ATXN1: variants seen among roughly 807,000 people sequenced by gnomAD.
ATXN1 encodes the protein ataxin-1.
ATXN1 carries 8 observed loss-of-function variants against 56.4 expected under a neutral mutation model. The ratio of observed to expected loss-of-function variants is 0.14; its 90% CI spans 0.08 to 0.26. The LOEUF (loss-of-function observed/expected upper bound fraction) is 0.26, where lower values mean the gene tolerates loss of function less well. ATXN1 is among the 10% of genes least tolerant of loss of function. The pLI is 1.00. For missense variants in ATXN1, 987 were observed against 1,106.5 expected (o/e 0.89, Z 1.53); for synonymous variants, 514 against 494.6 (o/e 1.04, Z -0.52).
rs950123505 is a variant in ATXN1 at position 16,299,623 on chromosome 6, G to A, written c.*6706C>T. The A allele has an allele frequency of 6.6e-6, 1 of 152,214 alleles. No homozygotes were observed. The highest frequency in any genetic ancestry group is 1.5e-5 in the Non-Finnish European group (1 of 68,064). 9.4% of individuals were successfully genotyped at this position (152,214 alleles called of 1,614,324 possible). A position where few individuals can be genotyped will look rare whatever the true frequency, so the allele number is the denominator to read the frequency against. ...GTCTGTTTTCCCTTGGCCTGTGGGA[G>A]GCATATGGTGGGTAATGATCTGATA... On this transcript the variant is annotated 3_prime_UTR_variant, in exon 8 of 8. Transcript: ENST00000436367.
intron 4 of ATXN1, among the ~76,000 whole-genome samples, chr6:16,554,379 A>G (rs2237181): frequency 6.6e-6 from 1 of 152,218 alleles, no homozygotes; most frequent in East Asian, 1.9e-4. Flanking sequence ...TTCCTCCCCA[A>G]TCTCTAAACC....
intron 3 of ATXN1, among the ~76,000 whole-genome samples, chr6:16,594,774 C>A (rs1349046860): frequency 2.0e-5 from 3 of 152,150 alleles, no homozygotes; most frequent in Admixed American, 1.3e-4. Flanking sequence ...AGCCACCGTG[C>A]CCAGCCTACA....
chr6:16,466,042 C>T (rs945572693), intron 6 of ATXN1, among the ~76,000 whole-genome samples: 6 of 152,080 alleles, frequency 3.9e-5, no homozygotes, highest in African/African-American at 7.2e-5. Flanking sequence ...TGTGGCCAGG[C>T]GCGGTGGCTC....
At chr6:16,549,669 G>A (rs1380998377) in intron 4 of ATXN1, among the ~76,000 whole-genome samples, 2 of 152,062 alleles carry the variant, frequency 1.3e-5, no homozygotes, top group African/African-American at 4.8e-5. Context: ...AGGCAGAGAT[G>A]GGCGGATCAC....
At chr6:16,420,885 C>T (rs753343664) in intron 6 of ATXN1, among the ~76,000 whole-genome samples, 15 of 152,160 alleles carry the variant, frequency 9.9e-5, no homozygotes, top group Non-Finnish European at 2.1e-4. Context: ...ACTTAAACTG[C>T]TAAGAGACAA....
chr6:16,457,655 T>C (rs184346602), intron 6 of ATXN1, among the ~76,000 whole-genome samples: 2 of 152,250 alleles, frequency 1.3e-5, no homozygotes, highest in Non-Finnish European at 2.9e-5. Context: ...TGGAGTGAAA[T>C]ACCTTATGTC....
chr6:16,552,752 C>T (rs1439947343), intron 4 of ATXN1, among the ~76,000 whole-genome samples: 5 of 152,154 alleles, frequency 3.3e-5, no homozygotes, highest in Admixed American at 1.3e-4. Context: ...CATTGCCTTA[C>T]GGGGGTGTAT....
intron 2 of ATXN1, among the ~76,000 whole-genome samples, chr6:16,674,705 T>C (rs536896114): frequency 1.4e-4 from 22 of 152,072 alleles, no homozygotes; most frequent in Admixed American, 1.4e-3. Context: ...CTAGATTTCA[T>C]TAATAAAAAT....
Position 16,312,046 on chromosome 6 carries a change from T to G in ATXN1, c.1918-5187A>C, listed in dbSNP as rs6915446. On this transcript the variant is annotated intron_variant, in intron 7 of 7. Transcript: ENST00000436367. ...TACCCATGGAGAGGCCCTTGGTGTG[T>G]GAGCCACATTATACACACTTCACAG... Among the ~76,000 whole-genome samples the G allele has an allele frequency of 7.7e-3, 1,173 of 152,324 alleles. 22 individuals are homozygous for G. Among genetic ancestry groups the G allele is most frequent in the African/African-American group, 0.027 (1,106 of 41,568 alleles).
intron 3 of ATXN1, among the ~76,000 whole-genome samples, chr6:16,598,363 GTATAA>G (rs1252566873): frequency 6.6e-6 from 1 of 152,134 alleles, no homozygotes; most frequent in Non-Finnish European, 1.5e-5. Context: ...TGAAATTTCA[GTATAA>G]TATGCTACTT....
intron 4 of ATXN1, among the ~76,000 whole-genome samples, chr6:16,533,301 T>C (rs1156548732): frequency 6.6e-6 from 1 of 152,144 alleles, no homozygotes; most frequent in African/African-American, 2.4e-5. Context: ...GATCAAGATA[T>C]CCCAAGAAGT....
chr6:16,482,013 T>C (rs62388976), intron 6 of ATXN1, among the ~76,000 whole-genome samples: 2 of 114,902 alleles, frequency 1.7e-5, no homozygotes, highest in African/African-American at 6.0e-5. Context: ...AGGTCTAGAA[T>C]TTTTTTTTTT....
At chr6:16,620,103 T>C (rs1763291285) in intron 3 of ATXN1, among the ~76,000 whole-genome samples, 1 of 152,138 alleles carries the variant, frequency 6.6e-6, no homozygotes, top group Middle Eastern at 3.2e-3. Flanking sequence ...TAGTATTATT[T>C]TGATTTTAAA....
chr6:16,460,551 C>A (rs1017324124), intron 6 of ATXN1, among the ~76,000 whole-genome samples: 2 of 152,196 alleles, frequency 1.3e-5, no homozygotes, highest in Admixed American at 1.3e-4. Flanking sequence ...AGGTACCAGG[C>A]GCTACTCATT....
chr6:16,662,743 T>C lies in ATXN1; in HGVS notation c.-614-4842A>G, dbSNP rs554675732. The stretch of plus-strand genomic sequence containing the variant: ...TGTCAAAGAAAACAGAAAGGTAGCC[T>C]CTTGCTGTTTGAAGAGCAACCTCAG... On this transcript the variant is annotated intron_variant, in intron 2 of 7. Coordinates refer to ENST00000436367, the MANE Select transcript of ATXN1 (RefSeq NM_001128164.2). Among the ~76,000 whole-genome samples the C allele has an allele frequency of 1.0e-3, 156 of 152,366 alleles. 1 individual carries two copies. The highest frequency in any genetic ancestry group is 3.6e-3 in the African/African-American group (149 of 41,596).
intron 7 of ATXN1, among the ~76,000 whole-genome samples, chr6:16,307,769 ACT>A (rs1760285763): frequency 6.6e-6 from 1 of 152,122 alleles, no homozygotes. Context: ...ACAACTAAAA[ACT>A]CTGAACAAAA....
chr6:16,648,858 A>G (rs1455968040), intron 3 of ATXN1, among the ~76,000 whole-genome samples: 1 of 152,190 alleles, frequency 6.6e-6, no homozygotes, highest in African/African-American at 2.4e-5. Context: ...CAAGGCTATC[A>G]TGCAAAAAAA....
At chr6:16,335,156 A>G (rs956300893) in intron 6 of ATXN1, among the ~76,000 whole-genome samples, 2 of 152,216 alleles carry the variant, frequency 1.3e-5, no homozygotes, top group Non-Finnish European at 2.9e-5. Flanking sequence ...CTGGCTTGTC[A>G]TCCCAGTCTA....
chr6:16,656,490 G>C (rs1216961707), intron 3 of ATXN1, among the ~76,000 whole-genome samples: 1 of 148,520 alleles, frequency 6.7e-6, no homozygotes. Flanking sequence ...ATCATGAACG[G>C]GGTTGATAAA....
Sources: allele counts gnomAD v4.1 joint callset (sites outside exome capture counted in the v4.1 genomes callset), GRCh38; gene constraint gnomAD v4.1.1; transcripts MANE v1.5; gene names NCBI Gene and HGNC (gene_info 2026-07-23, HGNC 2026-07-21).